SULT1E1: variants seen among roughly 807,000 people sequenced by gnomAD.
The protein encoded by SULT1E1 is sulfotransferase family 1E member 1, also known as sulfotransferase 1E1.
A neutral mutation model predicts 33.6 loss-of-function variants in SULT1E1; 36 were observed. The ratio of observed to expected loss-of-function variants is 1.07; its 90% CI spans 0.82 to 1.41. The LOEUF is 1.41. Among genes scored for constraint, SULT1E1 ranks in the 40% most tolerant of loss-of-function variants. The pLI, the probability that SULT1E1 is intolerant of heterozygous loss-of-function variation, is 0.00. For synonymous variants in SULT1E1, 121 were observed against 111.7 expected (o/e 1.08, Z -0.53); for missense variants, 371 against 345.7 (o/e 1.07, Z -0.58).
rs1720880112 is a variant in SULT1E1, at chr4:69,841,256, G to A, written c.*738C>T. On this transcript the variant is annotated 3_prime_UTR_variant, in exon 8 of 8. Transcript: ENST00000226444. ...ATTTTTAATACAACTCTAACAAGAT[G>A]AATAATCTGTGTTACTACATCATTC... is the stretch of plus-strand genomic sequence containing the variant. 2 of 152,052 alleles carry A rather than the reference G, an allele frequency of 1.3e-5. No homozygotes were observed. The highest frequency in any genetic ancestry group is 2.4e-5 in the African/African-American group (1 of 41,394). 9.4% of individuals were successfully genotyped at this position (152,052 alleles called of 1,614,324 possible). A position where few individuals can be genotyped will look rare whatever the true frequency, so the allele number is the denominator to read the frequency against.
chr4:69,821,670 C>T, the SULT1E1 span, among the ~76,000 whole-genome samples: 3 of 152,170 alleles, frequency 2.0e-5, no homozygotes. Context: ...TAGCAGGATG[C>T]TCTCCTTCCT....
Position 69,847,726 on chromosome 4 carries a change from A to G in SULT1E1, c.563T>C (p.Leu188Pro). 2 of 1,606,810 alleles carry G rather than the reference A, an allele frequency of 1.2e-6. No homozygotes were observed. Among genetic ancestry groups the G allele is most frequent in the Non-Finnish European group, 1.7e-6 (2 of 1,175,806 alleles). Residue 188 changes from leucine to proline, a missense_variant, in exon 6 of 8, where the codon CTA becomes CCA. Physicochemically the swap from Leu to Pro is moderately conservative, Grantham distance 98. Coordinates refer to ENST00000226444, the MANE Select transcript of SULT1E1 (RefSeq NM_005420.3). Reference protein sequence around the residue: ...WWEKGKSPRVLFLFYEDLKED... With the variant: ...WWEKGKSPRVPFLFYEDLKED... ...TTTCAGGTCTTCGTAGAAAAGAAATAGTACACGTGGACTCTTTCCCTTTTC... is the reference window on the plus strand; with the variant it reads ...TTTCAGGTCTTCGTAGAAAAGAAATGGTACACGTGGACTCTTTCCCTTTTC...
intron 6 of SULT1E1, among the ~76,000 whole-genome samples, chr4:69,846,510 G>A (rs932818846): frequency 3.3e-5 from 5 of 150,956 alleles, no homozygotes; most frequent in African/African-American, 1.2e-4. Flanking sequence ...ATTATATATG[G>A]ATTCTTTGGT....
intron 2 of SULT1E1, 26 bp downstream of exon 2, chr4:69,857,474 G>A: frequency 6.3e-7 from 1 of 1,579,498 alleles, no homozygotes; most frequent in South Asian, 1.2e-5. Flanking sequence ...ATTTTTAGGT[G>A]AAAAAAGAAC....
chr4:69,843,926 T>A (rs1187239524), intron 7 of SULT1E1, among the ~76,000 whole-genome samples: 1 of 152,194 alleles, frequency 6.6e-6, no homozygotes, highest in Admixed American at 6.5e-5. Flanking sequence ...TTTCCAATGC[T>A]GAGATTGAGG....
intron 3 of SULT1E1, 126 bp from the exon 4 acceptor site, chr4:69,854,440 A>G (rs955384958): frequency 1.1e-5 from 7 of 608,842 alleles, no homozygotes; most frequent in Non-Finnish European, 1.9e-5. Flanking sequence ...TGTGTGTAAC[A>G]CAAAGTATAA....
chr4:69,853,453 T>G (rs1721167372), intron 4 of SULT1E1, among the ~76,000 whole-genome samples: 1 of 152,176 alleles, frequency 6.6e-6, no homozygotes, highest in Non-Finnish European at 1.5e-5. Flanking sequence ...TATGTACACT[T>G]AATCTTCCAG....
the SULT1E1 span, among the ~76,000 whole-genome samples, chr4:69,827,690 C>T: frequency 6.6e-6 from 1 of 152,108 alleles, no homozygotes; most frequent in Non-Finnish European, 1.5e-5. Context: ...CATTATTAAA[C>T]CTGGCAACCT....
the SULT1E1 span, among the ~76,000 whole-genome samples, chr4:69,824,706 A>G: frequency 1.3e-5 from 2 of 150,874 alleles, no homozygotes; most frequent in African/African-American, 5.0e-5. Context: ...TCTGTAAAGC[A>G]CACTAATCAG....
chr4:69,825,747 A>T, the SULT1E1 span, among the ~76,000 whole-genome samples: 6 of 151,930 alleles, frequency 3.9e-5, no homozygotes, highest in East Asian at 9.7e-4. Context: ...CATAAGCGAA[A>T]CTCTGAAAGT....
rs1721212521 is a variant in SULT1E1, at chr4:69,855,322, T to C, written c.250A>G (p.Arg84Gly). ...IFNRIPFLEC[R>G]KENLMNGVKQ... Reference sequence around the variant, plus strand: ...TTACCATTCATGAGGTTTTCTTTTCTGCATTCCAGGAAAGGTATTCGATTA... The same window carrying C: ...TTACCATTCATGAGGTTTTCTTTTCCGCATTCCAGGAAAGGTATTCGATTA... Residue 84 changes from arginine (R) to glycine (G), a missense_variant, in exon 3 of 8, where the codon AGA (arginine) becomes GGA (glycine). Physicochemically the swap from Arg to Gly is moderately radical, Grantham distance 125 (BLOSUM62 -2). Coordinates refer to ENST00000226444, the MANE Select transcript of SULT1E1 (RefSeq NM_005420.3). 6.2e-7 allele frequency: 1 copy of C among 1,612,954 alleles called. No homozygotes were observed. Among genetic ancestry groups the C allele is most frequent in the East Asian group, 2.2e-5 (1 of 44,782 alleles).
chr4:69,846,802 T>G (rs1720986309), intron 6 of SULT1E1, among the ~76,000 whole-genome samples: 1 of 151,702 alleles, frequency 6.6e-6, no homozygotes, highest in African/African-American at 2.4e-5. Context: ...GTTATCAGTG[T>G]AGTGGGTGTA....
At chr4:69,827,213 C>A in the SULT1E1 span, among the ~76,000 whole-genome samples, 2 of 152,132 alleles carry the variant, frequency 1.3e-5, no homozygotes, top group South Asian at 4.1e-4. Flanking sequence ...ATTGTTAGAC[C>A]AAACCCTGGC....
chr4:69,828,805 T>C, the SULT1E1 span, among the ~76,000 whole-genome samples: 2 of 152,332 alleles, frequency 1.3e-5, no homozygotes, highest in Admixed American at 1.3e-4. Context: ...TGAGCCTTTT[T>C]CCCTGACACT....
intron 4 of SULT1E1, among the ~76,000 whole-genome samples, chr4:69,850,887 T>A (rs1721086620): frequency 6.6e-6 from 1 of 152,112 alleles, no homozygotes; most frequent in South Asian, 2.1e-4. Flanking sequence ...TTATTCAATA[T>A]CCCAAACTTT....
chr4:69,827,775 T>A, the SULT1E1 span, among the ~76,000 whole-genome samples: 1 of 152,172 alleles, frequency 6.6e-6, no homozygotes, highest in Non-Finnish European at 1.5e-5. Flanking sequence ...GCAGCCTTAG[T>A]CATGGCCCTC....
At chr4:69,846,246 GT>G (rs1178891105) in intron 6 of SULT1E1, among the ~76,000 whole-genome samples, 9 of 124,956 alleles carry the variant, frequency 7.2e-5, no homozygotes, top group East Asian at 2.5e-4. Flanking sequence ...AGTTTTCTTA[GT>G]TTTTTTTTCT....
the SULT1E1 span, among the ~76,000 whole-genome samples, chr4:69,835,720 A>T: frequency 2.0e-5 from 3 of 152,260 alleles, no homozygotes; most frequent in Non-Finnish European, 4.4e-5. Context: ...TTATCATTAG[A>T]AATGTTCAGT....
chr4:69,837,401 G>T (rs1195092098), downstream of SULT1E1, among the ~76,000 whole-genome samples: 1 of 151,618 alleles, frequency 6.6e-6, no homozygotes, highest in African/African-American at 2.4e-5. Flanking sequence ...GGTTTATTTG[G>T]CTTTTTCCCT....
Sources: allele counts gnomAD v4.1 joint callset (sites outside exome capture counted in the v4.1 genomes callset), GRCh38; gene constraint gnomAD v4.1.1; transcripts MANE v1.5; gene names NCBI Gene and HGNC (gene_info 2026-07-23, HGNC 2026-07-21).